The following IGSF3 variants were observed in gnomAD, a reference collection of about 807,000 sequenced individuals.
The protein encoded by IGSF3 is immunoglobulin superfamily member 3.
Under a neutral mutation model 114.4 loss-of-function variants are expected in IGSF3, and 23 were observed. The ratio of observed to expected loss-of-function variants is 0.20; its 90% CI spans 0.14 to 0.28. The LOEUF (loss-of-function observed/expected upper bound fraction) is 0.28, where lower values mean the gene tolerates loss of function less well. Ranked by LOEUF, IGSF3 falls within the 10% of genes least tolerant of loss-of-function variation. IGSF3 has a pLI of 1.00. For synonymous variants in IGSF3, 571 were observed against 645.2 expected (o/e 0.88, Z 1.74); for missense variants, 1,172 against 1,591.5 (o/e 0.74, Z 4.48).
chr1:116,602,820 T>C (rs1241909825), intron 6 of IGSF3, among the ~76,000 whole-genome samples: 2 of 152,228 alleles, frequency 1.3e-5, no homozygotes, highest in Non-Finnish European at 2.9e-5. Flanking sequence ...GTTTAAAATC[T>C]AATAGACTGA....
At chr1:116,606,834 T>C (rs1054171017) in intron 5 of IGSF3, among the ~76,000 whole-genome samples, 9 of 152,322 alleles carry the variant, frequency 5.9e-5, no homozygotes, top group Middle Eastern at 3.4e-3. Flanking sequence ...ATGCTAGGCA[T>C]TGCAGGGCGG....
rs926074819 is a variant in IGSF3, at chr1:116,610,130, T to G, written c.833-1799A>C. 1.3e-5 allele frequency among the ~76,000 whole-genome samples: 2 copies of G among 152,232 alleles called. No homozygotes were observed. The highest frequency in any genetic ancestry group is 2.9e-5 in the Non-Finnish European group (2 of 68,052). On this transcript the variant is annotated intron_variant, in intron 4 of 10. Transcript: ENST00000369486. This position sits in a 1 kb window ranked among gnomAD's most constrained non-coding sequence, Gnocchi z 4.3. ...TTCACTCTGCCACCATCTGCCTGGA[T>G]GAACACACCCATATGGGACAGTCCC...
chr1:116,637,376 G>A (rs1306055085), intron 2 of IGSF3, among the ~76,000 whole-genome samples: 1 of 152,176 alleles, frequency 6.6e-6, no homozygotes, highest in East Asian at 1.9e-4. Context: ...ATGTAGGTAG[G>A]CACTAAAGCT....
In IGSF3 at chr1:116,576,851, G is replaced by C. The variant is rs761286425; in HGVS notation, c.*461C>G. On this transcript the variant is annotated 3_prime_UTR_variant, in exon 11 of 11. Transcript: ENST00000369486. The surrounding 1 kb of genome is among the most constrained non-coding windows in gnomAD (Gnocchi z 4.6). ...TTCAAATGTGCAAAAACAAAGTCTT[G>C]GAAGAGATTCCTTGTCACTAGAAAG... 4.5e-5 allele frequency: 7 copies of C among 155,432 alleles called. No homozygotes were observed. The highest frequency in any genetic ancestry group is 1.0e-4 in the Non-Finnish European group (7 of 69,908). The allele number at this position is 155,432 out of a possible 1,614,324, so 9.6% of individuals were successfully genotyped here.
At chr1:116,597,593 T>C (rs185990621) in intron 7 of IGSF3, among the ~76,000 whole-genome samples, 211 of 152,318 alleles carry the variant, frequency 1.4e-3, no homozygotes, top group African/African-American at 4.8e-3. Flanking sequence ...AGTACAGTGA[T>C]ACTCATAAGT....
intron 2 of IGSF3, among the ~76,000 whole-genome samples, chr1:116,623,254 G>A (rs1453391585): frequency 1.3e-5 from 2 of 152,192 alleles, no homozygotes; most frequent in Admixed American, 1.3e-4. Flanking sequence ...CCAGGTAACT[G>A]ACACTGTTCC....
intron 7 of IGSF3, among the ~76,000 whole-genome samples, chr1:116,599,389 T>TACAC (rs1156653211): frequency 1.4e-4 from 17 of 120,518 alleles, no homozygotes; most frequent in African/African-American, 6.2e-4. Context: ...GACACATACA[T>TACAC]ATACACACAC....
At position 116,608,284 on chromosome 1, in the gene IGSF3, C is replaced by T; in HGVS notation, c.880G>A (p.Val294Met). 1.2e-6 allele frequency: 2 copies of T among 1,612,516 alleles called. No homozygotes were observed. The highest frequency in any genetic ancestry group is 1.7e-6 in the Non-Finnish European group (2 of 1,179,288). ...RLETEKRLHT[V>M]GEPVEFRCIL... is the part of the protein sequence containing the mutation. ...CATCTGAACTCCACCGGCTCGCCCA[C>T]CGTGTGCAGCCGCTTCTCTGTCTCC... The change falls in exon 5 of 11, where the codon GTG (valine) becomes ATG (methionine). Residue 294 changes from valine to methionine, a missense_variant. Coordinates refer to ENST00000369486, the MANE Select transcript of IGSF3 (RefSeq NM_001007237.3).
chr1:116,616,158 C>G lies in IGSF3; in HGVS notation c.343G>C (p.Ala115Pro). The G allele has an allele frequency of 6.2e-7, 1 of 1,613,700 alleles. No homozygotes were observed. Among genetic ancestry groups the G allele is most frequent in the East Asian group, 2.2e-5 (1 of 44,896 alleles). Residue 115 changes from alanine (A) to proline (P), a missense_variant, in exon 3 of 11, where the codon GCC (alanine) becomes CCC (proline). Transcript: ENST00000369486. The surrounding 1 kb of genome is among the most constrained non-coding windows in gnomAD (Gnocchi z 6.6). ...GGTGTGTGGCATTCATACTCCCCGG[C>G]ATCCCGGGCCTGAAGATCTGTGATG... ...LHITDLQARD[A>P]GEYECHTPST...
In IGSF3 at chr1:116,592,268, T is replaced by C. The variant is rs1660145658; in HGVS notation, c.2030-3164A>G. ...TGAGTGAATGGGCTTTGAGAGGCCA[T>C]AAATGCAGACGTGAAAGAAAAGAGT... On this transcript the variant is annotated intron_variant, in intron 7 of 10. Transcript: ENST00000369486. The surrounding 1 kb of genome is among the most constrained non-coding windows in gnomAD (Gnocchi z 4.5). 6.6e-6 allele frequency among the ~76,000 whole-genome samples: 1 copy of C among 152,136 alleles called. No individual in the cohort carries two copies. The highest frequency in any genetic ancestry group is 1.5e-5 in the Non-Finnish European group (1 of 68,030).
intron 6 of IGSF3, among the ~76,000 whole-genome samples, chr1:116,602,077 A>G (rs1191499787): frequency 6.6e-6 from 1 of 152,206 alleles, no homozygotes; most frequent in African/African-American, 2.4e-5. Context: ...TGAAAAGACA[A>G]CCTTAATTAG....
In IGSF3 at chr1:116,583,231, T is replaced by A. The variant is rs1214587860; in HGVS notation, c.2848+1414A>T. 6.6e-6 allele frequency among the ~76,000 whole-genome samples: 1 copy of A among 152,220 alleles called. No individual in the cohort carries two copies. Among genetic ancestry groups the A allele is most frequent in the African/African-American group, 2.4e-5 (1 of 41,460 alleles). On this transcript the variant is annotated intron_variant, in intron 9 of 10. Transcript: ENST00000369486. This position sits in a 1 kb window ranked among gnomAD's most constrained non-coding sequence, Gnocchi z 4.5. ...CTCCCACTCCATCTGGGAGCCTCAG[T>A]GTGCTGACCTGCAGAATGGGAGGGA...
In IGSF3 at chr1:116,660,722, G is replaced by A. The variant is rs148533183; in HGVS notation, c.43+5562C>T. Among the ~76,000 whole-genome samples, 512 of 152,102 alleles carry A rather than the reference G, an allele frequency of 3.4e-3. 3 individuals are homozygous for A. The highest frequency in any genetic ancestry group is 0.012 in the African/African-American group (492 of 41,506). ...CTCCCAAAGTGCTGGGATTACAGGC[G>A]TAAGCCACCATACCCGGCCACGTAT... On this transcript the variant is annotated intron_variant, in intron 2 of 10. Transcript: ENST00000369486.
rs61786577 is a variant in IGSF3, at chr1:116,603,882, G to A, written c.1366C>T (p.Arg456Cys). The A allele has an allele frequency of 2.5e-5, 40 of 1,614,084 alleles. No individual in the cohort carries two copies. Among genetic ancestry groups the A allele is most frequent in the Non-Finnish European group, 3.1e-5 (36 of 1,179,974 alleles). ...TCTAGCCACATGATATTGCTGCGGC[G>A]GTTCTGCCTGTCCACAAGCTGCCAG... ...VIWQLVDRQN[R>C]RSNIMWLDRD... Residue 456 changes from arginine (R) to cysteine (C), a missense_variant, in exon 6 of 11, where the codon CGC becomes TGC. Physicochemically the swap from Arg to Cys is radical, Grantham distance 180. Coordinates refer to ENST00000369486, the MANE Select transcript of IGSF3 (RefSeq NM_001007237.3). The surrounding 1 kb of genome is among the most constrained non-coding windows in gnomAD (Gnocchi z 7.1).
At chr1:116,658,391 G>A (rs1477794845) in intron 2 of IGSF3, among the ~76,000 whole-genome samples, 1 of 151,776 alleles carries the variant, frequency 6.6e-6, no homozygotes, top group Non-Finnish European at 1.5e-5. Flanking sequence ...ACAGAAACAG[G>A]CCCCCCTTTG....
In IGSF3 at chr1:116,655,488, T is replaced by C. The variant is rs1648808395; in HGVS notation, c.43+10796A>G. ...AGTCATTCCCGTGAACGTTGAGAAGTAACCCAACGCTGTGAAATGATAATC... is the reference window on the plus strand; with the variant it reads ...AGTCATTCCCGTGAACGTTGAGAAGCAACCCAACGCTGTGAAATGATAATC... On this transcript the variant is annotated intron_variant, in intron 2 of 10. Transcript: ENST00000369486. This position sits in a 1 kb window ranked among gnomAD's most constrained non-coding sequence, Gnocchi z 4.3. 6.6e-6 allele frequency among the ~76,000 whole-genome samples: 1 copy of C among 152,206 alleles called. No homozygotes were observed. Among genetic ancestry groups the C allele is most frequent in the South Asian group, 2.1e-4 (1 of 4,830 alleles).
rs776021425 is a variant in IGSF3 at position 116,584,826 on chromosome 1, C to A, written c.2667G>T (p.Gly889=). The A allele has an allele frequency of 6.2e-7, 1 of 1,614,276 alleles. No homozygotes were observed. The highest frequency in any genetic ancestry group is 1.7e-5 in the Admixed American group (1 of 60,034). ...GEQAAKNNLK[G]RLHLESPSPG... Reference sequence around the variant, plus strand: ...GGGAAGGACTCTCCAAATGCAGCCGCCCCTTCAGATTGTTCTTGGCTGCCT... The same window carrying A: ...GGGAAGGACTCTCCAAATGCAGCCGACCCTTCAGATTGTTCTTGGCTGCCT... Residue 889 remains glycine, a synonymous_variant, in exon 9 of 11, where the codon GGG becomes GGT. Coordinates refer to ENST00000369486, the MANE Select transcript of IGSF3 (RefSeq NM_001007237.3). The surrounding 1 kb of genome is among the most constrained non-coding windows in gnomAD (Gnocchi z 5.8).
At chr1:116,643,266 A>G (rs1184637744) in intron 2 of IGSF3, among the ~76,000 whole-genome samples, 2 of 152,210 alleles carry the variant, frequency 1.3e-5, no homozygotes, top group East Asian at 3.8e-4. Context: ...TCTGATTCCC[A>G]AATCAGTGCT....
At chr1:116,635,677 C>G (rs1253404392) in intron 2 of IGSF3, among the ~76,000 whole-genome samples, 3 of 152,232 alleles carry the variant, frequency 2.0e-5, no homozygotes, top group Non-Finnish European at 4.4e-5. Flanking sequence ...ATGGCATCTT[C>G]TTGTTGGGAC....
Sources: allele counts gnomAD v4.1 joint callset (sites outside exome capture counted in the v4.1 genomes callset), GRCh38; gene constraint gnomAD v4.1.1; non-coding constraint Gnocchi (gnomAD v3.1); transcripts MANE v1.5; gene names NCBI Gene and HGNC (gene_info 2026-07-23, HGNC 2026-07-21).